The following IQCM variants were observed in gnomAD, a reference collection of about 807,000 sequenced individuals.
IQCM encodes the protein IQ motif containing M, also known as IQ domain-containing protein M.
A neutral mutation model predicts 57.6 loss-of-function variants in IQCM; 45 were observed. The observed-to-expected ratio is 0.78, with a 90% CI of 0.62 to 1.00. IQCM has a LOEUF of 1.00. Among genes scored for constraint, IQCM ranks in the 50% least tolerant of loss-of-function variants. IQCM has a pLI of 0.00. For synonymous variants in IQCM, 148 were observed against 158.9 expected (o/e 0.93, Z 0.51); for missense variants, 468 against 511.6 (o/e 0.91, Z 0.82).
intron 12 of IQCM, among the ~76,000 whole-genome samples, chr4:149,501,774 C>T (rs17624869): frequency 0.15 from 23,402 of 152,042 alleles, 2,168 homozygotes; most frequent in South Asian, 0.33. Context: ...CCCACTTAGA[C>T]TCTTGTTTGC....
chr4:149,456,891 G>C (rs892423193), intron 12 of IQCM, among the ~76,000 whole-genome samples: 6 of 152,062 alleles, frequency 3.9e-5, no homozygotes, highest in Non-Finnish European at 8.8e-5. Context: ...AAAGAGGTGA[G>C]TTAACATTTA....
chr4:149,374,578 T>C (rs1286414842), intron 13 of IQCM, among the ~76,000 whole-genome samples: 1 of 152,172 alleles, frequency 6.6e-6, no homozygotes, highest in Admixed American at 6.6e-5. Flanking sequence ...CTTAGGAATG[T>C]TATTTTGATA....
At chr4:149,615,428 T>A (rs1473872539) in intron 8 of IQCM, among the ~76,000 whole-genome samples, 1 of 152,196 alleles carries the variant, frequency 6.6e-6, no homozygotes, top group Non-Finnish European at 1.5e-5. Flanking sequence ...AAACTGTTTC[T>A]TCAGGATGCA....
intron 12 of IQCM, among the ~76,000 whole-genome samples, chr4:149,442,340 G>T (rs1449705103): frequency 6.6e-6 from 1 of 151,888 alleles, no homozygotes; most frequent in Non-Finnish European, 1.5e-5. Context: ...ATCTAGTCCT[G>T]GTTCCTTTTT....
At chr4:149,366,448 C>A (rs1010803882) in intron 13 of IQCM, among the ~76,000 whole-genome samples, 6 of 151,884 alleles carry the variant, frequency 4.0e-5, no homozygotes, top group Admixed American at 2.6e-4. Flanking sequence ...TGAATGCTTT[C>A]ATCCTGCTTG....
intron 5 of IQCM, among the ~76,000 whole-genome samples, chr4:149,698,554 T>C (rs1248521894): frequency 6.6e-6 from 1 of 152,084 alleles, no homozygotes; most frequent in Non-Finnish European, 1.5e-5. Context: ...GAAACTTCAA[T>C]GTGTGTAGCA....
chr4:149,650,993 A>G (rs1759123673), intron 7 of IQCM, among the ~76,000 whole-genome samples: 1 of 152,180 alleles, frequency 6.6e-6, no homozygotes, highest in Non-Finnish European at 1.5e-5. Flanking sequence ...ATAATCCAAA[A>G]CCATTAATAA....
chr4:149,661,646 T>G (rs1368637445), intron 7 of IQCM, among the ~76,000 whole-genome samples: 1 of 152,190 alleles, frequency 6.6e-6, no homozygotes, highest in Non-Finnish European at 1.5e-5. Context: ...CTTGGTCTGT[T>G]TAGATTTTCT....
chr4:149,795,320 C>T (rs1773012500), intron 2 of IQCM, among the ~76,000 whole-genome samples: 2 of 152,088 alleles, frequency 1.3e-5, no homozygotes, highest in South Asian at 4.1e-4. Context: ...GCATTTAACT[C>T]AGTGCTGTGC....
At chr4:149,790,886 C>G (rs1287709244) in intron 2 of IQCM, among the ~76,000 whole-genome samples, 1 of 151,822 alleles carries the variant, frequency 6.6e-6, no homozygotes, top group East Asian at 1.9e-4. Flanking sequence ...ATGTTTACTG[C>G]TGCATTTTTT....
intron 13 of IQCM, among the ~76,000 whole-genome samples, chr4:149,389,230 A>G (rs909640611): frequency 3.9e-5 from 6 of 152,016 alleles, no homozygotes; most frequent in Admixed American, 3.9e-4. Context: ...TCCCAGGATC[A>G]TTTGATGAAA....
intron 5 of IQCM, among the ~76,000 whole-genome samples, chr4:149,701,512 A>G (rs1763771526): frequency 1.3e-5 from 2 of 152,038 alleles, no homozygotes; most frequent in African/African-American, 2.4e-5. Context: ...AATTTTTTGT[A>G]GCATTAATCA....
intron 6 of IQCM, 124 bp from the exon 7 acceptor site, chr4:149,682,330 C>CAACAGGTG (rs1762237916): frequency 2.5e-6 from 1 of 397,098 alleles, no homozygotes; most frequent in African/African-American, 2.1e-5. Flanking sequence ...GTCAACAGGA[C>CAACAGGTG]TACACCTGTT....
At chr4:149,358,843 A>ACAGTATATCATGATATACTCTCAT (rs1729207786) in intron 13 of IQCM, among the ~76,000 whole-genome samples, 2 of 78,636 alleles carry the variant, frequency 2.5e-5, no homozygotes, top group African/African-American at 9.7e-5. Flanking sequence ...AGCACAGTGG[A>ACAGTATATCATGATATACTCTCAT]CAGTATATCA....
At chr4:149,669,655 A>C (rs949070488) in intron 7 of IQCM, among the ~76,000 whole-genome samples, 17 of 152,254 alleles carry the variant, frequency 1.1e-4, no homozygotes, top group South Asian at 2.1e-4. Context: ...ATTTTTGTAT[A>C]AGGTGTAAGG....
intron 8 of IQCM, among the ~76,000 whole-genome samples, chr4:149,591,025 A>C (rs1381926240): frequency 6.6e-6 from 1 of 152,038 alleles, no homozygotes; most frequent in Admixed American, 6.6e-5. Flanking sequence ...TGAATATGTA[A>C]GTCATTTATT....
intron 9 of IQCM, among the ~76,000 whole-genome samples, chr4:149,581,045 A>G (rs1183503779): frequency 6.6e-6 from 1 of 151,710 alleles, no homozygotes; most frequent in African/African-American, 2.4e-5. Context: ...CCAAGTTAAT[A>G]ATAGAGTGTG....
intron 2 of IQCM, chr4:149,748,700 T>C (rs1768158645): frequency 1.3e-5 from 2 of 152,122 alleles, no homozygotes; most frequent in South Asian, 4.1e-4. Context: ...TACCAACAGA[T>C]GATGGGCTGG....
rs557704615 is a variant in IQCM at position 149,705,088 on chromosome 4, GC to G, written c.386-18621del. ...AAACAGCATATGGTGGGACTTCTCA[GC>G]CTCCATAATCACATGCTAATGATAT... On this transcript the variant is annotated intron_variant, in intron 5 of 13. Coordinates refer to ENST00000636793, the MANE Select transcript of IQCM (RefSeq NM_001363507.2). Among the ~76,000 whole-genome samples the G allele has an allele frequency of 7.2e-3, 1,077 of 150,036 alleles. 12 individuals are homozygous for G. The highest frequency in any genetic ancestry group is 0.011 in the Middle Eastern group (3 of 282).
Sources: allele counts gnomAD v4.1 joint callset (sites outside exome capture counted in the v4.1 genomes callset), GRCh38; gene constraint gnomAD v4.1.1; transcripts MANE v1.5; gene names NCBI Gene and HGNC (gene_info 2026-07-23, HGNC 2026-07-21).